Variants in ADGRD1 observed in about 807,000 individuals in gnomAD.
ADGRD1 encodes adhesion G protein-coupled receptor D1.
A neutral mutation model predicts 113.4 loss-of-function variants in ADGRD1; 77 were observed. That is an observed-to-expected ratio of 0.68 (90% CI 0.57 to 0.82). The LOEUF (loss-of-function observed/expected upper bound fraction) is 0.82, where lower values mean the gene tolerates loss of function less well. Ranked by LOEUF, ADGRD1 falls within the 40% of genes least tolerant of loss-of-function variation. ADGRD1 has a pLI of 0.00. For missense variants in ADGRD1, 1,036 were observed against 1,139.1 expected, an observed-to-expected ratio of 0.91 and a Z score of 1.30; for synonymous variants, 474 against 475.0, an observed-to-expected ratio of 1.00 and a Z score of 0.03.
Position 131,027,355 on chromosome 12 carries a change from C to T in ADGRD1, c.1473+13015C>T, listed in dbSNP as rs910021012. On this transcript the variant is annotated intron_variant, in intron 13 of 24. Coordinates refer to ENST00000261654, the MANE Select transcript of ADGRD1 (RefSeq NM_198827.5). The surrounding 1 kb of genome is among the most constrained non-coding windows in gnomAD (Gnocchi z 5.1). ...ATAAATGGGGTTCTGCTATCCGTGC[C>T]GTTTCGCAGCTTCAGTTTTTAAATT... 3.3e-5 allele frequency: 5 copies of T among 152,102 alleles called. No individual in the cohort carries two copies. The highest frequency in any genetic ancestry group is 7.2e-5 in the African/African-American group (3 of 41,400). 9.4% of individuals were successfully genotyped at this position (152,102 alleles called of 1,614,324 possible).
At position 130,966,512 on chromosome 12, in the gene ADGRD1, G is replaced by A; in HGVS notation, c.153G>A (p.Val51=). 1.2e-6 allele frequency: 2 copies of A among 1,611,764 alleles called. No homozygotes were observed. The highest frequency in any genetic ancestry group is 1.7e-6 in the Non-Finnish European group (2 of 1,177,820). ...SASHYWPLEN[V]DGIHELQDTT... is the part of the protein sequence containing the mutation. ...CCCATTACTGGCCACTGGAGAATGTGGATGGGATCCATGAACTTCAGGATA... is the reference window on the plus strand; with the variant it reads ...CCCATTACTGGCCACTGGAGAATGTAGATGGGATCCATGAACTTCAGGATA... The change falls in exon 3 of 25, where the codon GTG becomes GTA. Residue 51 remains valine (V), a synonymous_variant. Coordinates refer to ENST00000261654, the MANE Select transcript of ADGRD1 (RefSeq NM_198827.5). The surrounding 1 kb of genome is among the most constrained non-coding windows in gnomAD (Gnocchi z 4.6).
intron 9 of ADGRD1, chr12:131,002,859 T>G (rs747481806): frequency 2.2e-5 from 27 of 1,224,816 alleles, no homozygotes; most frequent in Admixed American, 1.4e-4. Context: ...GTCTGGGATG[T>G]GCTGAGGGTC....
rs1247117663 is a variant in ADGRD1 at position 130,966,984 on chromosome 12, T to C, written c.187+438T>C. 1 of 453,314 alleles carries C rather than the reference T, an allele frequency of 2.2e-6. No homozygotes were observed. Among genetic ancestry groups the C allele is most frequent in the Non-Finnish European group, 4.5e-6 (1 of 224,314 alleles). 28.1% of individuals were successfully genotyped at this position (453,314 alleles called of 1,614,324 possible). A position where few individuals can be genotyped will look rare whatever the true frequency, so the allele number is the denominator to read the frequency against. On this transcript the variant is annotated intron_variant, in intron 3 of 24. Coordinates refer to ENST00000261654, the MANE Select transcript of ADGRD1 (RefSeq NM_198827.5). The surrounding 1 kb of genome is among the most constrained non-coding windows in gnomAD (Gnocchi z 4.6). ...GCGTATTGAATGGGAGAATTTCTGATTCAAAATATGATTAAAATGTGCATT... is the reference window on the plus strand; with the variant it reads ...GCGTATTGAATGGGAGAATTTCTGACTCAAAATATGATTAAAATGTGCATT...
intron 23 of ADGRD1, 185 bp downstream of exon 23, chr12:131,137,199 G>A (rs1053102569): frequency 1.4e-5 from 9 of 626,846 alleles, no homozygotes; most frequent in East Asian, 5.5e-5. Flanking sequence ...TTCTCTCCCC[G>A]CCTAGTTGCT....
At chr12:131,086,174 T>C (rs1886452618) in intron 15 of ADGRD1, among the ~76,000 whole-genome samples, 1 of 152,192 alleles carries the variant, frequency 6.6e-6, no homozygotes, top group Non-Finnish European at 1.5e-5. Context: ...CCGCAGTGTC[T>C]GCACTGGGCC....
chr12:131,136,891 C>T, intron 22 of ADGRD1, 82 bp from the exon 23 acceptor site: 1 of 1,152,986 alleles, frequency 8.7e-7, no homozygotes, highest in Non-Finnish European at 1.3e-6. Flanking sequence ...GTGCCACTCC[C>T]AGGCTGCATG....
At chr12:131,119,166 C>T (rs991232222) in intron 19 of ADGRD1, among the ~76,000 whole-genome samples, 1 of 152,190 alleles carries the variant, frequency 6.6e-6, no homozygotes, top group Non-Finnish European at 1.5e-5. Context: ...TGAGTGAAAA[C>T]ATGGAAAATA....
At chr12:131,064,274 G>A (rs574375091) in intron 13 of ADGRD1, among the ~76,000 whole-genome samples, 1 of 152,146 alleles carries the variant, frequency 6.6e-6, no homozygotes, top group African/African-American at 2.4e-5. Context: ...TTCTGTCTTC[G>A]ACTAATAAGT....
At chr12:131,015,301 G>A (rs769335362) in intron 13 of ADGRD1, among the ~76,000 whole-genome samples, 36 of 152,282 alleles carry the variant, frequency 2.4e-4, no homozygotes, top group Middle Eastern at 3.4e-3. Context: ...GGACTGGAGT[G>A]GAAGATGGAG....
rs774074738 is a variant in ADGRD1, at chr12:131,070,901, C to T, written c.1474-5900C>T. The T allele has an allele frequency of 1.2e-5, 6 of 518,888 alleles. No homozygotes were observed. The Middle Eastern group carries it at 9.5e-4, about 82-fold the overall frequency. The allele number at this position is 518,888 out of a possible 1,614,324, so 32.1% of individuals were successfully genotyped here. On this transcript the variant is annotated intron_variant, in intron 13 of 24. Coordinates refer to ENST00000261654, the MANE Select transcript of ADGRD1 (RefSeq NM_198827.5). ...GTCCTGGAGAGTCGGGTGAGTCTGC[C>T]ATCCAGGATGGTGGAGAAGAGTCCT... is the stretch of plus-strand genomic sequence containing the variant.
At chr12:131,111,906 CT>C (rs200650109) in intron 18 of ADGRD1, among the ~76,000 whole-genome samples, 7 of 151,348 alleles carry the variant, frequency 4.6e-5, no homozygotes, top group Non-Finnish European at 8.8e-5. Context: ...TTTGAAGTCT[CT>C]TTTTTTTTGA....
At chr12:131,082,988 G>A (rs567867452) in intron 14 of ADGRD1, among the ~76,000 whole-genome samples, 1 of 152,294 alleles carries the variant, frequency 6.6e-6, no homozygotes, top group South Asian at 2.1e-4. Flanking sequence ...GTCGCCCAGG[G>A]CTAACGCAGG....
chr12:131,091,934 A>T (rs1886935581), intron 15 of ADGRD1: 1 of 152,314 alleles, frequency 6.6e-6, no homozygotes, highest in Non-Finnish European at 1.5e-5. Flanking sequence ...AGACACGCCC[A>T]TGCCTGTGTT....
chr12:131,132,194 T>G (rs1950948143), intron 21 of ADGRD1, among the ~76,000 whole-genome samples: 1 of 152,126 alleles, frequency 6.6e-6, no homozygotes, highest in Non-Finnish European at 1.5e-5. Context: ...GTTTAGCCCC[T>G]CAGCACCTCG....
At chr12:131,100,849 A>G (rs1369080767) in intron 15 of ADGRD1, among the ~76,000 whole-genome samples, 1 of 152,222 alleles carries the variant, frequency 6.6e-6, no homozygotes, top group Non-Finnish European at 1.5e-5. Context: ...TTGCAAATAG[A>G]TGAGCTAAAG....
At chr12:131,136,607 G>A (rs904019882) in intron 22 of ADGRD1, among the ~76,000 whole-genome samples, 3 of 152,214 alleles carry the variant, frequency 2.0e-5, no homozygotes, top group African/African-American at 4.8e-5. Context: ...GGTCCCCATC[G>A]CCATCCATGG....
At chr12:131,076,432 C>T (rs1885613830) in intron 13 of ADGRD1, among the ~76,000 whole-genome samples, 1 of 152,116 alleles carries the variant, frequency 6.6e-6, no homozygotes, top group African/African-American at 2.4e-5. Flanking sequence ...GGAGCTCCTC[C>T]TGCAGAGGCC....
intron 13 of ADGRD1, among the ~76,000 whole-genome samples, chr12:131,049,609 G>A (rs573649096): frequency 8.5e-5 from 13 of 152,292 alleles, no homozygotes; most frequent in African/African-American, 2.6e-4. Context: ...GTCTCCTGGC[G>A]AGCACTGGTT....
rs748643209 is a variant in ADGRD1, at chr12:131,113,815, C to G, written c.2042-4570C>G. Among the ~76,000 whole-genome samples the G allele has an allele frequency of 6.6e-6, 1 of 152,242 alleles. No individual in the cohort carries two copies. The highest frequency in any genetic ancestry group is 1.5e-5 in the Non-Finnish European group (1 of 68,048). ...TCCTCTGCCCTCCCTCCAGGTCACG[C>G]ATGACCTGCTTCTTCAGGCCTCTGT... On this transcript the variant is annotated intron_variant, in intron 18 of 24. Transcript: ENST00000261654. The surrounding 1 kb of genome is among the most constrained non-coding windows in gnomAD (Gnocchi z 4.9).
Sources: allele counts gnomAD v4.1 joint callset (sites outside exome capture counted in the v4.1 genomes callset), GRCh38; gene constraint gnomAD v4.1.1; non-coding constraint Gnocchi (gnomAD v3.1); transcripts MANE v1.5; gene names NCBI Gene and HGNC (gene_info 2026-07-23, HGNC 2026-07-21).